ILDR2: variants seen among roughly 807,000 people sequenced by gnomAD.
ILDR2 encodes the protein immunoglobulin like domain containing receptor 2.
Under a neutral mutation model 66.8 loss-of-function variants are expected in ILDR2, and 25 were observed. The ratio of observed to expected loss-of-function variants is 0.37; its 90% CI spans 0.27 to 0.52. The LOEUF is 0.52. Among genes scored for constraint, ILDR2 ranks in the 20% least tolerant of loss-of-function variants. ILDR2 has a pLI of 0.88. For missense variants in ILDR2, 827 were observed against 876.8 expected (o/e 0.94, Z 0.72); for synonymous variants, 367 against 357.2 (o/e 1.03, Z -0.31).
Position 166,908,856 on chromosome 1 carries a change from CG to C in ILDR2, c.*10498del, listed in dbSNP as rs976335746. 4 of 152,322 alleles carry C rather than the reference CG, an allele frequency of 2.6e-5. No homozygotes were observed. Among genetic ancestry groups the C allele is most frequent in the African/African-American group, 9.6e-5 (4 of 41,572 alleles). The allele number at this position is 152,322 out of a possible 1,614,324, so 9.4% of individuals were successfully genotyped here. On this transcript the variant is annotated 3_prime_UTR_variant, in exon 10 of 10. Transcript: ENST00000271417. Reference sequence around the variant, plus strand: ...CCTGAAGCCTTGGGTTGGAATAATACGTGTGAGGGAATTGGCAACAAAAGGA... The same window carrying C: ...CCTGAAGCCTTGGGTTGGAATAATACTGTGAGGGAATTGGCAACAAAAGGA...
At chr1:166,907,668 G>A (rs184610031), downstream of ILDR2, among the ~76,000 whole-genome samples, 22 of 152,126 alleles carry the variant, frequency 1.4e-4, no homozygotes, top group East Asian at 2.1e-3. Flanking sequence ...GTGAGATATC[G>A]GTTGCTTGGA....
chr1:166,939,991 G>T (rs893195162), intron 3 of ILDR2, among the ~76,000 whole-genome samples: 1 of 152,078 alleles, frequency 6.6e-6, no homozygotes, highest in African/African-American at 2.4e-5. Context: ...AAAAACAAAA[G>T]TACATATTTG....
Position 166,936,831 on chromosome 1 carries a change from G to A in ILDR2, c.557-94C>T. 5 of 1,234,452 alleles carry A rather than the reference G, an allele frequency of 4.1e-6. No individual in the cohort carries two copies. In the South Asian group the frequency reaches 5.4e-5, roughly 13 times the overall value. The allele number at this position is 1,234,452 out of a possible 1,614,324, so 76.5% of individuals were successfully genotyped here. A position where few individuals can be genotyped will look rare whatever the true frequency, so the allele number is the denominator to read the frequency against. On this transcript the variant is annotated intron_variant, in intron 4 of 9. Coordinates refer to ENST00000271417, the MANE Select transcript of ILDR2 (RefSeq NM_199351.3). The surrounding 1 kb of genome is among the most constrained non-coding windows in gnomAD (Gnocchi z 5.0). ...GCATCTCCCGGTGAAAGGGGGAGAGGAGGAGGGACCTAGGGAAGAAAGCTT... is the reference window on the plus strand; with the variant it reads ...GCATCTCCCGGTGAAAGGGGGAGAGAAGGAGGGACCTAGGGAAGAAAGCTT...
chr1:166,965,648 C>T (rs1308903726), intron 1 of ILDR2, among the ~76,000 whole-genome samples: 1 of 149,028 alleles, frequency 6.7e-6, no homozygotes, highest in Admixed American at 6.7e-5. Context: ...CCTTGGCTCA[C>T]TGCAACCTCT....
chr1:166,956,789 G>T lies in ILDR2; in HGVS notation c.443C>A (p.Thr148Asn). 1.2e-6 allele frequency: 2 copies of T among 1,613,986 alleles called. No homozygotes were observed. Among genetic ancestry groups the T allele is most frequent in the Non-Finnish European group, 1.7e-6 (2 of 1,179,902 alleles). Reference protein sequence around the residue: ...GDSGLYYCIITTPDDLEGKNE... With the variant: ...GDSGLYYCIINTPDDLEGKNE... Reference sequence around the variant, plus strand: ...TTTCCCCTCCAGGTCATCTGGGGTGGTGATAATACAGTAATAGAGTCCGCT... The same window carrying T: ...TTTCCCCTCCAGGTCATCTGGGGTGTTGATAATACAGTAATAGAGTCCGCT... Residue 148 changes from threonine to asparagine, a missense_variant, in exon 3 of 10, where the codon ACC becomes AAC. Physicochemically the swap from Thr to Asn is moderately conservative, Grantham distance 65. Around this residue, in one of 2 missense-constraint regions of ILDR2, gnomAD observed 437 missense variants for 523.2 expected, o/e 0.84. Transcript: ENST00000271417.
intron 2 of ILDR2, among the ~76,000 whole-genome samples, chr1:166,902,739 T>C (rs1659282934): frequency 6.6e-6 from 1 of 152,234 alleles, no homozygotes; most frequent in South Asian, 2.1e-4. Flanking sequence ...TGTAGGCTAA[T>C]AAATGTCCTT....
chr1:166,929,818 T>A (rs943825969), intron 6 of ILDR2, among the ~76,000 whole-genome samples: 1 of 152,196 alleles, frequency 6.6e-6, no homozygotes. Context: ...ATATGGGCGG[T>A]TTATTGGAGA....
At chr1:166,961,216 GTGCTC>G (rs1216446012) in intron 1 of ILDR2, among the ~76,000 whole-genome samples, 2 of 152,190 alleles carry the variant, frequency 1.3e-5, no homozygotes, top group African/African-American at 4.8e-5. Context: ...ACCCAGGTGG[GTGCTC>G]TACAAAAGTG....
intron 6 of ILDR2, among the ~76,000 whole-genome samples, chr1:166,933,025 T>C (rs934436629): frequency 2.6e-5 from 4 of 152,210 alleles, no homozygotes; most frequent in African/African-American, 9.7e-5. Context: ...GTGAGGATCA[T>C]GAAGAAGTCT....
At chr1:166,931,279 G>A (rs1198886679) in intron 6 of ILDR2, among the ~76,000 whole-genome samples, 3 of 152,132 alleles carry the variant, frequency 2.0e-5, no homozygotes, top group South Asian at 2.1e-4. Flanking sequence ...AGAAGTCTCC[G>A]AGGCAGATAC....
chr1:166,924,879 G>T, intron 7 of ILDR2, among the ~76,000 whole-genome samples: 1 of 152,086 alleles, frequency 6.6e-6, no homozygotes, highest in Non-Finnish European at 1.5e-5. Flanking sequence ...AGTTGTGCAT[G>T]GTGGCACATG....
chr1:166,960,751 C>G (rs1316283191), intron 1 of ILDR2, among the ~76,000 whole-genome samples: 1 of 152,166 alleles, frequency 6.6e-6, no homozygotes, highest in East Asian at 1.9e-4. Context: ...ATTGAAGAAC[C>G]CTAGTTCCCA....
In ILDR2 at chr1:166,918,669, G is replaced by A. The variant is rs1376227816; in HGVS notation, c.*686C>T. 1 of 152,274 alleles carries A rather than the reference G, an allele frequency of 6.6e-6. No individual in the cohort carries two copies. The highest frequency in any genetic ancestry group is 2.4e-5 in the African/African-American group (1 of 41,424). 9.4% of individuals were successfully genotyped at this position (152,274 alleles called of 1,614,324 possible). A position where few individuals can be genotyped will look rare whatever the true frequency, so the allele number is the denominator to read the frequency against. ...AAAAGCAGTTTACGTTCTCAGAATG[G>A]AAAAGGAAATACCACTTAGACAGCT... is the stretch of plus-strand genomic sequence containing the variant. On this transcript the variant is annotated 3_prime_UTR_variant, in exon 10 of 10. Coordinates refer to ENST00000271417, the MANE Select transcript of ILDR2 (RefSeq NM_199351.3).
intron 4 of ILDR2, among the ~76,000 whole-genome samples, chr1:166,937,272 A>G (rs1378095366): frequency 6.6e-6 from 1 of 152,172 alleles, no homozygotes; most frequent in Non-Finnish European, 1.5e-5. Context: ...TTTGTAATGT[A>G]TTCACCTGCT....
chr1:166,960,013 C>G (rs1662515574), intron 1 of ILDR2, among the ~76,000 whole-genome samples: 1 of 152,156 alleles, frequency 6.6e-6, no homozygotes, highest in Non-Finnish European at 1.5e-5. Flanking sequence ...AATTCACTCC[C>G]ACAGCTAAAG....
At position 166,909,756 on chromosome 1, in the gene ILDR2, TATAA is replaced by T. The variant is rs1224332509; in HGVS notation, c.*9595_*9598del. 2.8e-3 allele frequency: 207 copies of T among 74,560 alleles called. No individual in the cohort carries two copies. The highest frequency in any genetic ancestry group is 0.01 in the South Asian group (19 of 1,880). The allele number at this position is 74,560 out of a possible 1,614,324, so 4.6% of individuals were successfully genotyped here. On this transcript the variant is annotated 3_prime_UTR_variant, in exon 10 of 10. Coordinates refer to ENST00000271417, the MANE Select transcript of ILDR2 (RefSeq NM_199351.3). The stretch of plus-strand genomic sequence containing the variant: ...ACATACATATATATATATATATATA[TATAA>T]ATATATATAAATATATATATTTATA...
chr1:166,927,201 A>C, intron 6 of ILDR2, 21 bp from the exon 7 acceptor site: 1 of 1,550,154 alleles, frequency 6.5e-7, no homozygotes, highest in Non-Finnish European at 8.9e-7. Flanking sequence ...AAGCACAAGA[A>C]GGTGAGCTGA....
At chr1:166,965,348 G>A (rs1055040663) in intron 1 of ILDR2, among the ~76,000 whole-genome samples, 1 of 151,828 alleles carries the variant, frequency 6.6e-6, no homozygotes, top group African/African-American at 2.4e-5. Context: ...ATAGCCTGAG[G>A]GTAATTTTAT....
Position 166,918,369 on chromosome 1 carries a change from C to T in ILDR2, c.*986G>A, listed in dbSNP as rs539874147. 2.0e-4 allele frequency: 30 copies of T among 152,356 alleles called. No homozygotes were observed. Among genetic ancestry groups the T allele is most frequent in the African/African-American group, 7.2e-4 (30 of 41,580 alleles). 9.4% of individuals were successfully genotyped at this position (152,356 alleles called of 1,614,324 possible). On this transcript the variant is annotated 3_prime_UTR_variant, in exon 10 of 10. Transcript: ENST00000271417. ...TGAAGTTTGTGGGTGAAATGGTCCA[C>T]ATTCAAAATATAATGAGATGATGTT... is the stretch of plus-strand genomic sequence containing the variant.
Sources: allele counts gnomAD v4.1 joint callset (sites outside exome capture counted in the v4.1 genomes callset), GRCh38; gene constraint gnomAD v4.1.1; regional missense constraint gnomAD v4.1.1; non-coding constraint Gnocchi (gnomAD v3.1); transcripts MANE v1.5; gene names NCBI Gene and HGNC (gene_info 2026-07-23, HGNC 2026-07-21).